KIF20B: variants seen among roughly 807,000 people sequenced by gnomAD.
KIF20B encodes the protein kinesin-like protein KIF20B.
In KIF20B, 188 loss-of-function variants were observed where a neutral mutation model predicts 232.5. The observed-to-expected ratio is 0.81, with a 90% CI of 0.72 to 0.91. The LOEUF is 0.91. Among genes scored for constraint, KIF20B ranks in the 40% least tolerant of loss-of-function variants. The pLI, the probability that KIF20B is intolerant of heterozygous loss-of-function variation, is 0.00. For synonymous variants in KIF20B, 712 were observed against 683.0 expected, an observed-to-expected ratio of 1.04 and a Z score of -0.66; for missense variants, 2,154 against 2,055.9, an observed-to-expected ratio of 1.05 and a Z score of -0.92.
intron 1 of KIF20B, among the ~76,000 whole-genome samples, chr10:89,704,051 G>A (rs1362619491): frequency 6.6e-6 from 1 of 152,000 alleles, no homozygotes; most frequent in African/African-American, 2.4e-5. Context: ...GCGCCCGGCC[G>A]TAGGCTTTTT....
At chr10:89,703,838 T>C (rs886913699) in intron 1 of KIF20B, among the ~76,000 whole-genome samples, 1 of 151,108 alleles carries the variant, frequency 6.6e-6, no homozygotes. Context: ...CTGCAGCCTC[T>C]GCCTCCTGGG....
At chr10:89,752,277 T>C (rs1482201357) in intron 24 of KIF20B, among the ~76,000 whole-genome samples, 3 of 152,094 alleles carry the variant, frequency 2.0e-5, no homozygotes, top group African/African-American at 7.2e-5. Context: ...GAAAACTTTT[T>C]TCTTGAGGAC....
At chr10:89,769,617 A>G (rs1226197319) in intron 31 of KIF20B, among the ~76,000 whole-genome samples, 1 of 152,000 alleles carries the variant, frequency 6.6e-6, no homozygotes, top group African/African-American at 2.4e-5. Context: ...CAGTATGCTT[A>G]GTGCTTTTTT....
intron 4 of KIF20B, 96 bp from the exon 5 acceptor site, chr10:89,709,831 A>G (rs1842801844): frequency 1.0e-6 from 1 of 963,318 alleles, no homozygotes; most frequent in Non-Finnish European, 1.4e-6. Context: ...TTAAGAATGA[A>G]TCTTTTAAAT....
chr10:89,740,385 T>G (rs1166000583), intron 21 of KIF20B, among the ~76,000 whole-genome samples: 1 of 152,162 alleles, frequency 6.6e-6, no homozygotes, highest in Non-Finnish European at 1.5e-5. Context: ...GCAGAGCTTC[T>G]GTGCCCTCTC....
intron 13 of KIF20B, 197 bp from the exon 14 acceptor site, chr10:89,723,767 G>C (rs1432619252): frequency 1.4e-5 from 6 of 414,500 alleles, no homozygotes; most frequent in Non-Finnish European, 2.3e-5. Context: ...TTTCTAAAAT[G>C]TGGAAAGGCC....
At chr10:89,710,331 C>T (rs1842812204) in intron 5 of KIF20B, among the ~76,000 whole-genome samples, 1 of 151,446 alleles carries the variant, frequency 6.6e-6, no homozygotes, top group Non-Finnish European at 1.5e-5. Context: ...AGATGACTCT[C>T]CTGCCTGAGC....
At chr10:89,710,882 A>G in intron 5 of KIF20B, 79 bp from the exon 6 acceptor site, 1 of 1,122,636 alleles carries the variant, frequency 8.9e-7, no homozygotes, top group Non-Finnish European at 1.3e-6. Context: ...TGGTAGTATA[A>G]AAGGAGCTTT....
chr10:89,742,961 A>G (rs1841835620), intron 21 of KIF20B, among the ~76,000 whole-genome samples: 1 of 151,776 alleles, frequency 6.6e-6, no homozygotes. Flanking sequence ...TCCGCCTCCC[A>G]GAGTGCTGGT....
chr10:89,738,458 A>T lies in KIF20B; in HGVS notation c.3617A>T (p.Glu1206Val). 1 of 1,603,100 alleles carries T rather than the reference A, an allele frequency of 6.2e-7. No individual in the cohort carries two copies. Among genetic ancestry groups the T allele is most frequent in the Non-Finnish European group, 8.5e-7 (1 of 1,176,796 alleles). The change falls in exon 20 of 33, where the codon GAA (glutamate) becomes GTA (valine). Residue 1206 changes from glutamate to valine, a missense_variant. Coordinates refer to ENST00000371728, the MANE Select transcript of KIF20B (RefSeq NM_001284259.2). ...KLERNLKEFQ[E>V]HLQDSVKNTK... ...GAAAGAAATTTGAAGGAATTTCAAG[A>T]ACATCTTCAGGATTCTGTCAAAAAC...
chr10:89,742,922 C>T (rs542130781), intron 21 of KIF20B, among the ~76,000 whole-genome samples: 5 of 151,862 alleles, frequency 3.3e-5, no homozygotes, highest in South Asian at 2.1e-4. Flanking sequence ...AGGATGGTCT[C>T]GATCTCCTGA....
At chr10:89,737,252 C>T (rs1156231775) in intron 19 of KIF20B, 135 bp from the exon 20 acceptor site, 12 of 962,748 alleles carry the variant, frequency 1.2e-5, no homozygotes, top group Non-Finnish European at 1.5e-5. Context: ...TTTTTCTCAA[C>T]AGCTTATTTC....
chr10:89,766,175 A>G (rs966205857), intron 29 of KIF20B: 1 of 152,226 alleles, frequency 6.6e-6, no homozygotes, highest in East Asian at 1.9e-4. Flanking sequence ...ACATAGTCCC[A>G]TATTTCTCAG....
intron 4 of KIF20B, 42 bp downstream of exon 4, chr10:89,709,503 A>G: frequency 7.5e-7 from 1 of 1,332,816 alleles, no homozygotes; most frequent in South Asian, 1.2e-5. Flanking sequence ...AAAGATAAAG[A>G]GACTTGGCTT....
rs75788057 is a variant in KIF20B, at chr10:89,748,456, T to C, written c.4096+2497T>C. 1.7e-3 allele frequency among the ~76,000 whole-genome samples: 263 copies of C among 152,350 alleles called. 1 individual carries two copies. The highest frequency in any genetic ancestry group is 6.0e-3 in the African/African-American group (249 of 41,584). On this transcript the variant is annotated intron_variant, in intron 23 of 32. Transcript: ENST00000371728. Reference sequence around the variant, plus strand: ...TGTGCTTCACTCTTAAGTCTCAGACTCTCTTTACTAATCCATGTTATTTGT... The same window carrying C: ...TGTGCTTCACTCTTAAGTCTCAGACCCTCTTTACTAATCCATGTTATTTGT...
At position 89,723,964 on chromosome 10, in the gene KIF20B, A is replaced by C; in HGVS notation, c.1723A>C (p.Lys575Gln). ...KAFISHEEKR[K>Q]LLDLIEDLKK... The stretch of plus-strand genomic sequence containing the variant: ...GAATTTTATCATTTACATGTAATAG[A>C]AACTGTTGGACTTAATAGAAGACTT... The change falls in exon 14 of 33, where the codon AAA (lysine) becomes CAA (glutamine). Residue 575 changes from lysine to glutamine, a missense_variant and splice_region_variant. Coordinates refer to ENST00000371728, the MANE Select transcript of KIF20B (RefSeq NM_001284259.2). The C allele has an allele frequency of 6.6e-7, 1 of 1,525,896 alleles. No homozygotes were observed. The highest frequency in any genetic ancestry group is 8.8e-7 in the Non-Finnish European group (1 of 1,133,342). The allele number at this position is 1,525,896 out of a possible 1,614,324, so 94.5% of individuals were successfully genotyped here. A position where few individuals can be genotyped will look rare whatever the true frequency, so the allele number is the denominator to read the frequency against.
In KIF20B at chr10:89,737,976, A is replaced by G. The variant is rs528220779; in HGVS notation, c.3135A>G (p.Gln1045=). The change falls in exon 20 of 33, where the codon CAA becomes CAG. Residue 1045 remains glutamine, a synonymous_variant. Coordinates refer to ENST00000371728, the MANE Select transcript of KIF20B (RefSeq NM_001284259.2). ...VSKQVKEYRI[Q]EPNRENSFHS... is the part of the protein sequence containing the mutation. Reference sequence around the variant, plus strand: ...AGCAAGTTAAAGAATATCGAATTCAAGAACCCAATAGGGAAAATTCTTTCC... The same window carrying G: ...AGCAAGTTAAAGAATATCGAATTCAGGAACCCAATAGGGAAAATTCTTTCC... 9 of 1,613,274 alleles carry G rather than the reference A, an allele frequency of 5.6e-6. No individual in the cohort carries two copies. Among genetic ancestry groups the G allele is most frequent in the Middle Eastern group, 1.7e-4 (1 of 6,048 alleles).
chr10:89,725,214 G>A (rs1843155501), intron 15 of KIF20B, 56 bp downstream of exon 15: 2 of 1,456,788 alleles, frequency 1.4e-6, no homozygotes, highest in East Asian at 2.3e-5. Context: ...CCAGGGTTTA[G>A]TGTACCACAT....
chr10:89,774,109 G>A lies in KIF20B; in HGVS notation c.*61G>A, dbSNP rs1842522562. The A allele has an allele frequency of 3.0e-6, 3 of 1,011,786 alleles. No individual in the cohort carries two copies. The highest frequency in any genetic ancestry group is 4.3e-5 in the Admixed American group (2 of 46,912). 62.7% of individuals were successfully genotyped at this position (1,011,786 alleles called of 1,614,324 possible). On this transcript the variant is annotated 3_prime_UTR_variant, in exon 33 of 33. Coordinates refer to ENST00000371728, the MANE Select transcript of KIF20B (RefSeq NM_001284259.2). ...TCATAGTCATTGGAACTTGCATCCT[G>A]TATTGTAAATATAAATGTATATATT... is the stretch of plus-strand genomic sequence containing the variant.
Sources: allele counts gnomAD v4.1 joint callset (sites outside exome capture counted in the v4.1 genomes callset), GRCh38; gene constraint gnomAD v4.1.1; transcripts MANE v1.5; gene names NCBI Gene and HGNC (gene_info 2026-07-23, HGNC 2026-07-21).